The following XYLB variants were observed in gnomAD, a reference collection of about 807,000 sequenced individuals.
The protein encoded by XYLB is xylulose kinase.
In XYLB, 62 loss-of-function variants were observed where a neutral mutation model predicts 78.7. That is an observed-to-expected ratio of 0.79 (90% CI 0.64 to 0.97). The LOEUF (loss-of-function observed/expected upper bound fraction) is 0.97, where lower values mean the gene tolerates loss of function less well. Among genes scored for constraint, XYLB ranks in the 50% least tolerant of loss-of-function variants. The pLI is 0.00. For missense variants in XYLB, 687 were observed against 676.8 expected (o/e 1.02, Z -0.17); for synonymous variants, 245 against 247.4 (o/e 0.99, Z 0.09).
At chr3:38,348,048 G>A (rs1210452731) in intron 1 of XYLB, among the ~76,000 whole-genome samples, 1 of 152,250 alleles carries the variant, frequency 6.6e-6, no homozygotes, top group Non-Finnish European at 1.5e-5. Flanking sequence ...CAGGAAAGGA[G>A]TTATACTCCC....
At position 38,365,227 on chromosome 3, in the gene XYLB, G is replaced by A; in HGVS notation, c.320G>A (p.Gly107Glu). ...CACGGAAGTATATACTGGAAGGCTGGAGCCCAGCAGGCACTGACAAGCTTA... is the reference window on the plus strand; with the variant it reads ...CACGGAAGTATATACTGGAAGGCTGAAGCCCAGCAGGCACTGACAAGCTTA... ...QQHGSIYWKA[G>E]AQQALTSLSP... The change falls in exon 5 of 19, where the codon GGA becomes GAA. Residue 107 changes from glycine to glutamate, a missense_variant. Physicochemically the swap from Gly to Glu is moderately conservative, Grantham distance 98. Transcript: ENST00000207870. The A allele has an allele frequency of 6.2e-7, 1 of 1,614,214 alleles. No individual in the cohort carries two copies. The highest frequency in any genetic ancestry group is 1.1e-5 in the South Asian group (1 of 91,082).
intron 8 of XYLB, 56 bp from the exon 9 acceptor site, chr3:38,370,000 T>C (rs1575479515): frequency 6.7e-7 from 1 of 1,485,866 alleles, no homozygotes. Context: ...ATTTGTGCAT[T>C]TTCACAAAAG....
intron 18 of XYLB, among the ~76,000 whole-genome samples, chr3:38,407,537 T>C (rs13086899): frequency 0.49 from 72,687 of 148,896 alleles, 19,058 homozygotes; most frequent in Non-Finnish European, 0.6. Flanking sequence ...ATAACAATAT[T>C]AACTTTAAAT....
intron 2 of XYLB, among the ~76,000 whole-genome samples, chr3:38,358,593 C>T (rs113233081): frequency 0.032 from 4,829 of 152,078 alleles, 113 homozygotes; most frequent in African/African-American, 0.061. Context: ...ATCTGCCTGC[C>T]TTGGCCTCCC....
In XYLB at chr3:38,384,593, A is replaced by G. The variant is rs376007291; in HGVS notation, c.1291+5251A>G. Among the ~76,000 whole-genome samples, 147 of 152,368 alleles carry G rather than the reference A, an allele frequency of 9.6e-4. 1 individual carries two copies. The highest frequency in any genetic ancestry group is 3.2e-3 in the African/African-American group (135 of 41,590). ...AAAACAACTATTTGTTTTAAAATAC[A>G]TAACGAATGGATGTCTTTTTATCAC... On this transcript the variant is annotated intron_variant, in intron 15 of 18. Transcript: ENST00000207870.
the XYLB span, among the ~76,000 whole-genome samples, chr3:38,434,251 G>T: frequency 1.3e-5 from 2 of 152,232 alleles, no homozygotes; most frequent in African/African-American, 4.8e-5. Context: ...ACCATATCAG[G>T]TCTCTTTCAC....
downstream of XYLB, among the ~76,000 whole-genome samples, chr3:38,423,294 G>C (rs181738959): frequency 2.0e-4 from 30 of 152,220 alleles, no homozygotes; most frequent in African/African-American, 7.2e-4. Flanking sequence ...GGATGGTCTC[G>C]ATCTCCTGAC....
chr3:38,367,309 C>T (rs1706317998), intron 7 of XYLB, among the ~76,000 whole-genome samples: 1 of 152,198 alleles, frequency 6.6e-6, no homozygotes. Flanking sequence ...GCCCTTCAGC[C>T]AGAGCCTCTG....
chr3:38,417,849 C>T, downstream of XYLB, among the ~76,000 whole-genome samples: 1 of 141,208 alleles, frequency 7.1e-6, no homozygotes. Context: ...CACTGCACTC[C>T]AGCTTGGGTA....
chr3:38,412,756 T>G (rs573353456), intron 18 of XYLB, among the ~76,000 whole-genome samples, 180 bp from the exon 19 acceptor site: 4 of 152,342 alleles, frequency 2.6e-5, no homozygotes, highest in African/African-American at 9.6e-5. Context: ...TTAAAAAATC[T>G]TAAACTGTAG....
chr3:38,382,532 T>C (rs930958521), intron 15 of XYLB, among the ~76,000 whole-genome samples: 1 of 152,214 alleles, frequency 6.6e-6, no homozygotes, highest in Non-Finnish European at 1.5e-5. Flanking sequence ...ATGTGTAAAA[T>C]GACCACCATG....
chr3:38,435,813 AT>A, the XYLB span, among the ~76,000 whole-genome samples: 4 of 152,218 alleles, frequency 2.6e-5, no homozygotes, highest in African/African-American at 9.6e-5. Context: ...ATAGAAATAT[AT>A]GGAAATTAAA....
intron 15 of XYLB, among the ~76,000 whole-genome samples, chr3:38,382,570 C>T (rs773450584): frequency 1.8e-4 from 28 of 152,290 alleles, no homozygotes; most frequent in Admixed American, 7.2e-4. Context: ...CATCCCACCA[C>T]CCTAAGTGTA....
At chr3:38,361,314 C>T (rs1226044745) in intron 3 of XYLB, among the ~76,000 whole-genome samples, 1 of 151,354 alleles carries the variant, frequency 6.6e-6, no homozygotes, top group Non-Finnish European at 1.5e-5. Flanking sequence ...CTGCAGGGTC[C>T]CCGAGTCCCT....
chr3:38,349,304 T>C (rs114599459), intron 2 of XYLB, among the ~76,000 whole-genome samples: 320 of 152,298 alleles, frequency 2.1e-3, no homozygotes, highest in Non-Finnish European at 3.5e-3. Context: ...TAGGCCATGG[T>C]ATAGAGTTTG....
the XYLB span, among the ~76,000 whole-genome samples, chr3:38,436,457 T>A: frequency 6.6e-6 from 1 of 152,246 alleles, no homozygotes; most frequent in Non-Finnish European, 1.5e-5. Flanking sequence ...AAAAACCCTT[T>A]ACTGGATAGA....
intron 2 of XYLB, among the ~76,000 whole-genome samples, chr3:38,350,644 C>G (rs6780924): frequency 0.032 from 4,843 of 152,106 alleles, 114 homozygotes; most frequent in African/African-American, 0.062. Flanking sequence ...CTAGTTTCCT[C>G]AAGTGGAAAC....
the XYLB span, among the ~76,000 whole-genome samples, chr3:38,434,684 C>G: frequency 6.6e-6 from 1 of 152,100 alleles, no homozygotes; most frequent in Non-Finnish European, 1.5e-5. Flanking sequence ...CAAATAGTAC[C>G]ACTACAGAAA....
intron 14 of XYLB, among the ~76,000 whole-genome samples, chr3:38,378,799 G>A (rs763811328): frequency 2.7e-5 from 4 of 149,588 alleles, no homozygotes; most frequent in Middle Eastern, 3.2e-3. Flanking sequence ...GGATCTCAGC[G>A]TAAGCTCGTG....
Sources: gnomAD v4.1 joint callset for allele counts (sites outside exome capture counted in the v4.1 genomes callset) on GRCh38, gnomAD v4.1.1 for gene constraint, MANE v1.5 for transcripts, NCBI Gene and HGNC (gene_info 2026-07-23, HGNC 2026-07-21) for gene names.